SRL: variants seen among roughly 807,000 people sequenced by gnomAD.
SRL encodes the protein sarcalumenin.
In SRL, 23 loss-of-function variants were observed where a neutral mutation model predicts 39.5. That is an observed-to-expected ratio of 0.58 (90% CI 0.42 to 0.82). SRL has a LOEUF of 0.82. Among genes scored for constraint, SRL ranks in the 40% least tolerant of loss-of-function variants. The pLI is 0.00. For synonymous variants in SRL, 272 were observed against 237.4 expected, an observed-to-expected ratio of 1.15 and a Z score of -1.34; for missense variants, 592 against 607.8, an observed-to-expected ratio of 0.97 and a Z score of 0.27.
intron 1 of SRL, among the ~76,000 whole-genome samples, chr16:4,236,934 C>G (rs917056651): frequency 6.6e-6 from 1 of 151,724 alleles, no homozygotes; most frequent in Non-Finnish European, 1.5e-5. Context: ...GCCACTGCAC[C>G]CAGCCGTGAA....
At chr16:4,204,406 T>TATACAGCCCCGGCCTCTA in intron 2 of SRL, 127 bp downstream of exon 2, 3 of 585,606 alleles carry the variant, frequency 5.1e-6, no homozygotes, top group East Asian at 2.9e-5. Flanking sequence ...GCCTCCAAGA[T>TATACAGCCCCGGCCTCTA]AGATACAGCC....
At chr16:4,230,415 C>T (rs1248673463) in intron 1 of SRL, among the ~76,000 whole-genome samples, 8 of 150,464 alleles carry the variant, frequency 5.3e-5, no homozygotes, top group Non-Finnish European at 8.9e-5. Context: ...GAGTCTTGCC[C>T]TGTCGCCCAG....
intron 1 of SRL, among the ~76,000 whole-genome samples, chr16:4,240,025 C>T (rs554646225): frequency 6.6e-6 from 1 of 152,286 alleles, no homozygotes; most frequent in Non-Finnish European, 1.5e-5. Flanking sequence ...CTTGTCTCCT[C>T]ACAGGGAGGC....
intron 1 of SRL, among the ~76,000 whole-genome samples, chr16:4,221,028 G>A (rs969368878): frequency 8.6e-5 from 13 of 151,322 alleles, no homozygotes; most frequent in Admixed American, 6.6e-4. Flanking sequence ...GGCCCTCATC[G>A]CCTGGGACCA....
At position 4,206,600 on chromosome 16, in the gene SRL, C is replaced by T. The variant is rs182664715; in HGVS notation, c.62-1966G>A. 1.5e-3 allele frequency: 653 copies of T among 434,576 alleles called. 2 individuals are homozygous for T. Among genetic ancestry groups the T allele is most frequent in the African/African-American group, 0.01 (522 of 49,892 alleles). 26.9% of individuals were successfully genotyped at this position (434,576 alleles called of 1,614,324 possible). A position where few individuals can be genotyped will look rare whatever the true frequency, so the allele number is the denominator to read the frequency against. On this transcript the variant is annotated intron_variant, in intron 1 of 5. Coordinates refer to ENST00000399609, the MANE Select transcript of SRL (RefSeq NM_001098814.2). ...ACAGCCTGAAGCCACCTCCCCGGGC[C>T]GGGACTGTGAAAAGGGCCTGCCACC... is the stretch of plus-strand genomic sequence containing the variant.
At chr16:4,225,599 T>C (rs149927225) in intron 1 of SRL, among the ~76,000 whole-genome samples, 1 of 152,084 alleles carries the variant, frequency 6.6e-6, no homozygotes, top group African/African-American at 2.4e-5. Context: ...TGGCTGATTC[T>C]TTTCTTTCTC....
intron 1 of SRL, chr16:4,208,155 T>C: frequency 2.6e-6 from 1 of 391,648 alleles, no homozygotes; most frequent in Non-Finnish European, 5.0e-6. Flanking sequence ...GCACCGGCTC[T>C]GTTTCTCAAG....
intron 4 of SRL, among the ~76,000 whole-genome samples, chr16:4,197,164 G>T (rs540890601): frequency 1.5e-4 from 22 of 142,888 alleles, no homozygotes; most frequent in African/African-American, 5.0e-4. Context: ...TGCCTCCTGG[G>T]TTCAAGCAAT....
intron 1 of SRL, among the ~76,000 whole-genome samples, chr16:4,220,406 CCATTGCA>C (rs1245047667): frequency 1.3e-5 from 2 of 151,856 alleles, no homozygotes; most frequent in African/African-American, 4.8e-5. Context: ...CGAGATCACG[CCATTGCA>C]CTCCAGCCTC....
In SRL at chr16:4,190,674, T is replaced by C. The variant is rs1309474554; in HGVS notation, c.*1479A>G. On this transcript the variant is annotated 3_prime_UTR_variant, in exon 6 of 6. Transcript: ENST00000399609. ...ACACACATATTCACACTTATTGGTA[T>C]TGAAGGCCCTGGCTTTCCTGCGGTG... The C allele has an allele frequency of 1.3e-5, 5 of 392,542 alleles. No homozygotes were observed. Among genetic ancestry groups the C allele is most frequent in the Middle Eastern group, 6.3e-4 (1 of 1,580 alleles). The allele number at this position is 392,542 out of a possible 1,614,324, so 24.3% of individuals were successfully genotyped here.
chr16:4,200,914 C>A (rs879151), intron 3 of SRL, among the ~76,000 whole-genome samples: 116,015 of 152,094 alleles, frequency 0.76, 44,729 homozygotes, highest in Middle Eastern at 0.84. Flanking sequence ...AGAAACAGCC[C>A]AATTAACACA....
At chr16:4,193,015 C>T (rs758947797) in intron 5 of SRL, 51 bp from the exon 6 acceptor site, 2 of 1,491,816 alleles carry the variant, frequency 1.3e-6, no homozygotes, top group Non-Finnish European at 1.8e-6. Flanking sequence ...CCCTCAAAGC[C>T]CGCGCACCTC....
At chr16:4,194,694 C>A (rs543106597) in intron 5 of SRL, among the ~76,000 whole-genome samples, 114 of 152,174 alleles carry the variant, frequency 7.5e-4, no homozygotes, top group African/African-American at 2.6e-3. Flanking sequence ...GACTAGGCCC[C>A]CACTTTGGAA....
rs10852642 is a variant in SRL, at chr16:4,192,027, A to T, written c.*126T>A. 514,474 of 1,092,372 alleles carry T rather than the reference A, an allele frequency of 0.47. 124,428 individuals are homozygous for T. Among genetic ancestry groups the T allele is most frequent in the South Asian group, 0.62 (38,845 of 62,552 alleles). The allele number at this position is 1,092,372 out of a possible 1,614,324, so 67.7% of individuals were successfully genotyped here. ...CTGCCCCGACCCCTGGCCTCAATGAACTCCCAACTCTCCACTGTGTAATAA... is the reference window on the plus strand; with the variant it reads ...CTGCCCCGACCCCTGGCCTCAATGATCTCCCAACTCTCCACTGTGTAATAA... On this transcript the variant is annotated 3_prime_UTR_variant, in exon 6 of 6. Transcript: ENST00000399609. The surrounding 1 kb of genome is among the most constrained non-coding windows in gnomAD (Gnocchi z 4.0).
chr16:4,227,076 T>C (rs866355542), intron 1 of SRL, among the ~76,000 whole-genome samples: 71 of 111,886 alleles, frequency 6.3e-4, no homozygotes, highest in Admixed American at 1.1e-3. Context: ...GGATGGATGA[T>C]GGATGGATGA....
chr16:4,230,493 G>T (rs990749357), intron 1 of SRL, among the ~76,000 whole-genome samples: 7 of 150,820 alleles, frequency 4.6e-5, no homozygotes, highest in African/African-American at 1.7e-4. Flanking sequence ...CGATTCTCCT[G>T]CCTCAGCCCC....
chr16:4,203,725 A>C (rs1409356953), intron 2 of SRL, among the ~76,000 whole-genome samples: 4 of 151,462 alleles, frequency 2.6e-5, no homozygotes, highest in African/African-American at 9.7e-5. Flanking sequence ...CTCCTTCCTC[A>C]CCTCAGTAGT....
chr16:4,200,454 A>AG lies in SRL; in HGVS notation c.260-2540dup, dbSNP rs539666758. ...ACAGGAGGTGGGAGGTGAGCCTGGG[A>AG]GAGGTTACAAGGAAGCTGGCCAGAG... On this transcript the variant is annotated intron_variant, in intron 3 of 5. Coordinates refer to ENST00000399609, the MANE Select transcript of SRL (RefSeq NM_001098814.2). Among the ~76,000 whole-genome samples the AG allele has an allele frequency of 4.6e-5, 7 of 152,248 alleles. No individual in the cohort carries two copies. The East Asian group carries it at 1.4e-3, about 29-fold the overall frequency.
At chr16:4,202,044 G>A (rs1001042457) in intron 3 of SRL, among the ~76,000 whole-genome samples, 1 of 152,150 alleles carries the variant, frequency 6.6e-6, no homozygotes, top group Admixed American at 6.6e-5. Flanking sequence ...TCCCACCTCT[G>A]CCTCCCAAAG....
Sources: allele counts gnomAD v4.1 joint callset (sites outside exome capture counted in the v4.1 genomes callset), GRCh38; gene constraint gnomAD v4.1.1; non-coding constraint Gnocchi (gnomAD v3.1); transcripts MANE v1.5; gene names NCBI Gene and HGNC (gene_info 2026-07-23, HGNC 2026-07-21).